SLIT3: variants seen among roughly 807,000 people sequenced by gnomAD.
SLIT3 encodes the protein slit guidance ligand 3.
SLIT3 carries 68 observed loss-of-function variants against 184.0 expected under a neutral mutation model. That is an observed-to-expected ratio of 0.37 (90% CI 0.30 to 0.45). The LOEUF (loss-of-function observed/expected upper bound fraction) is 0.45, where lower values mean the gene tolerates loss of function less well. SLIT3 is among the 20% of genes least tolerant of loss of function. SLIT3 has a pLI of 1.00. For missense variants in SLIT3, 1,707 were observed against 2,026.0 expected (o/e 0.84, Z 3.02); for synonymous variants, 831 against 828.6 (o/e 1.00, Z -0.05).
intron 1 of SLIT3, among the ~76,000 whole-genome samples, chr5:169,294,526 G>A (rs1172280323): frequency 6.6e-6 from 1 of 152,204 alleles, no homozygotes; most frequent in Non-Finnish European, 1.5e-5. Context: ...CAAGGAAGTC[G>A]CTTCCACAGG....
intron 4 of SLIT3, among the ~76,000 whole-genome samples, chr5:169,139,101 G>A (rs1001829947): frequency 2.6e-5 from 4 of 152,180 alleles, no homozygotes; most frequent in Non-Finnish European, 5.9e-5. Context: ...CTCTGTCACT[G>A]GTGATTTCTC....
chr5:169,287,972 G>T (rs1325099171), intron 1 of SLIT3, among the ~76,000 whole-genome samples: 1 of 152,102 alleles, frequency 6.6e-6, no homozygotes, highest in Non-Finnish European at 1.5e-5. Flanking sequence ...CCATGCTTAG[G>T]CAAACTTGCC....
chr5:169,280,545 C>T (rs901850609), intron 1 of SLIT3, among the ~76,000 whole-genome samples: 6 of 152,202 alleles, frequency 3.9e-5, no homozygotes, highest in South Asian at 2.1e-4. Flanking sequence ...GTGGCAGAGA[C>T]GCAGGAAAAA....
rs142888211 is a variant in SLIT3 at position 168,700,444 on chromosome 5, T to A, written c.2942+138A>T. The A allele has an allele frequency of 1.5e-3, 997 of 663,834 alleles. 1 individual carries two copies. Among genetic ancestry groups the A allele is most frequent in the Middle Eastern group, 2.8e-3 (7 of 2,458 alleles). 41.1% of individuals were successfully genotyped at this position (663,834 alleles called of 1,614,324 possible). ...CTTTTCCTTTGCCTTCTGCCATGATTGTGAGGCTTCCCAGCCATGCTGAAC... is the reference window on the plus strand; with the variant it reads ...CTTTTCCTTTGCCTTCTGCCATGATAGTGAGGCTTCCCAGCCATGCTGAAC... On this transcript the variant is annotated intron_variant, in intron 27 of 35. Coordinates refer to ENST00000519560, the MANE Select transcript of SLIT3 (RefSeq NM_003062.4).
At chr5:168,825,098 G>C (rs1443164295) in intron 6 of SLIT3, among the ~76,000 whole-genome samples, 3 of 152,160 alleles carry the variant, frequency 2.0e-5, no homozygotes, top group Admixed American at 6.5e-5. Flanking sequence ...GAGGAAACAG[G>C]TAATGGTACC....
chr5:169,098,450 C>G (rs1220410052), intron 4 of SLIT3, among the ~76,000 whole-genome samples: 1 of 152,146 alleles, frequency 6.6e-6, no homozygotes, highest in East Asian at 1.9e-4. Context: ...ATTTTTATAG[C>G]CTTAAGCTAG....
chr5:169,055,295 T>G (rs1757955984), intron 4 of SLIT3, among the ~76,000 whole-genome samples: 1 of 152,222 alleles, frequency 6.6e-6, no homozygotes, highest in African/African-American at 2.4e-5. Context: ...AGTAATCATG[T>G]AAATATTTTA....
chr5:168,670,252 C>T (rs958592157), intron 34 of SLIT3, among the ~76,000 whole-genome samples: 9 of 152,202 alleles, frequency 5.9e-5, no homozygotes, highest in Admixed American at 5.9e-4. Context: ...ACACACACAC[C>T]TCATGCAGCC....
chr5:168,747,823 T>C (rs1754539637), intron 20 of SLIT3, among the ~76,000 whole-genome samples: 1 of 152,084 alleles, frequency 6.6e-6, no homozygotes. Flanking sequence ...TGGGGCCGCA[T>C]GCTTGACAGG....
chr5:169,173,767 C>T (rs11745045), intron 4 of SLIT3, among the ~76,000 whole-genome samples: 18,871 of 152,282 alleles, frequency 0.12, 1,323 homozygotes, highest in South Asian at 0.24. Context: ...AAGCCTGGTA[C>T]TCTGGATAGA....
chr5:169,032,272 AT>A (rs375670284), intron 4 of SLIT3, among the ~76,000 whole-genome samples: 2 of 151,982 alleles, frequency 1.3e-5, no homozygotes, highest in Non-Finnish European at 2.9e-5. Flanking sequence ...ATGAAAGAAC[AT>A]TTTTTTTATC....
intron 28 of SLIT3, among the ~76,000 whole-genome samples, chr5:168,695,031 C>T (rs1317114894): frequency 2.0e-5 from 3 of 152,198 alleles, no homozygotes; most frequent in African/African-American, 7.2e-5. Context: ...TACGTTCCTA[C>T]AGTTTCAAGA....
intron 4 of SLIT3, among the ~76,000 whole-genome samples, chr5:169,009,271 T>C (rs1756050347): frequency 6.6e-6 from 1 of 152,188 alleles, no homozygotes; most frequent in African/African-American, 2.4e-5. Flanking sequence ...ACCTGCTAAT[T>C]CGCTTCTCAG....
chr5:169,052,552 C>G (rs1411938839), intron 4 of SLIT3, among the ~76,000 whole-genome samples: 1 of 152,156 alleles, frequency 6.6e-6, no homozygotes, highest in Non-Finnish European at 1.5e-5. Context: ...CCACGTAAGA[C>G]TTCCCAACTG....
chr5:168,692,499 TGA>T (rs140300466), intron 29 of SLIT3, 106 bp downstream of exon 29: 7,718 of 607,982 alleles, frequency 0.013, no homozygotes, highest in South Asian at 0.023. Context: ...GAGAAGCACA[TGA>T]GAGAGAGAGA....
chr5:168,933,589 C>T (rs1415830460), intron 4 of SLIT3, among the ~76,000 whole-genome samples: 1 of 152,096 alleles, frequency 6.6e-6, no homozygotes, highest in African/African-American at 2.4e-5. Flanking sequence ...AACTGTGATT[C>T]CCTTTTTAAG....
chr5:168,764,204 C>T (rs188624674), intron 14 of SLIT3, among the ~76,000 whole-genome samples: 46 of 152,318 alleles, frequency 3.0e-4, no homozygotes, highest in Admixed American at 3.0e-3. Flanking sequence ...CCTGGCAGAA[C>T]ATTTGGCAGC....
chr5:169,061,953 G>A (rs9284977), intron 4 of SLIT3, among the ~76,000 whole-genome samples: 42,420 of 151,876 alleles, frequency 0.28, 5,979 homozygotes, highest in East Asian at 0.35. Context: ...TAGAATTTAC[G>A]CCACCCCAAT....
chr5:169,101,329 G>A (rs1478095679), intron 4 of SLIT3, among the ~76,000 whole-genome samples: 1 of 152,208 alleles, frequency 6.6e-6, no homozygotes, highest in African/African-American at 2.4e-5. Context: ...TAAAGCTGAA[G>A]TTTGTTTTCA....
Sources: allele counts gnomAD v4.1 joint callset (sites outside exome capture counted in the v4.1 genomes callset), GRCh38; gene constraint gnomAD v4.1.1; transcripts MANE v1.5; gene names NCBI Gene and HGNC (gene_info 2026-07-23, HGNC 2026-07-21).